NDUFS4: variants seen among roughly 807,000 people sequenced by gnomAD.
NDUFS4 encodes NADH:ubiquinone oxidoreductase subunit S4.
Under a neutral mutation model 24.3 loss-of-function variants are expected in NDUFS4, and 28 were observed. The observed-to-expected ratio is 1.15, with a 90% CI of 0.85 to 1.58. NDUFS4 has a LOEUF of 1.58. Ranked by LOEUF, NDUFS4 falls within the 40% of genes most tolerant of loss-of-function variation. The probability of loss-of-function intolerance (pLI) is 0.00; values close to 1 mark genes in which losing one functional copy is unlikely to be tolerated. For synonymous variants in NDUFS4, 93 were observed against 69.7 expected, an observed-to-expected ratio of 1.34 and a Z score of -1.67; for missense variants, 223 against 207.9, an observed-to-expected ratio of 1.07 and a Z score of -0.45.
At chr5:53,657,781 C>T (rs941506598) in intron 3 of NDUFS4, among the ~76,000 whole-genome samples, 2 of 151,840 alleles carry the variant, frequency 1.3e-5, no homozygotes, top group Non-Finnish European at 2.9e-5. Context: ...ACAAATTAGC[C>T]AGGTATGGTG....
intron 1 of NDUFS4, among the ~76,000 whole-genome samples, chr5:53,594,872 T>TTGTGTGTG (rs60887057): frequency 0.034 from 5,011 of 148,480 alleles, 296 homozygotes; most frequent in African/African-American, 0.12. Flanking sequence ...ATGTCTGTGT[T>TTGTGTGTG]TGTGTGTGTG....
intron 1 of NDUFS4, among the ~76,000 whole-genome samples, chr5:53,590,621 C>T (rs909213584): frequency 1.3e-5 from 2 of 152,120 alleles, no homozygotes; most frequent in African/African-American, 4.8e-5. Context: ...TACAAACATA[C>T]TATTTTTATG....
intron 2 of NDUFS4, 55 bp downstream of exon 2, chr5:53,603,585 A>T (rs1329019228): frequency 2.9e-6 from 4 of 1,370,216 alleles, no homozygotes. Flanking sequence ...TTATTTTTGT[A>T]CTATAGATAT....
At chr5:53,677,640 G>A (rs1391061304) in intron 4 of NDUFS4, among the ~76,000 whole-genome samples, 1 of 151,982 alleles carries the variant, frequency 6.6e-6, no homozygotes, top group African/African-American at 2.4e-5. Flanking sequence ...GTTATGCTCC[G>A]CTTTCAGCCA....
At chr5:53,600,008 T>C (rs979829182) in intron 1 of NDUFS4, among the ~76,000 whole-genome samples, 2 of 152,106 alleles carry the variant, frequency 1.3e-5, no homozygotes, top group Non-Finnish European at 2.9e-5. Context: ...ATTTTATTAT[T>C]ATTTTTTGAG....
At chr5:53,640,163 C>A (rs1751670744) in intron 2 of NDUFS4, among the ~76,000 whole-genome samples, 2 of 151,622 alleles carry the variant, frequency 1.3e-5, no homozygotes, top group South Asian at 4.2e-4. Flanking sequence ...ACTTAAAGTT[C>A]AAATTACTGA....
intron 1 of NDUFS4, among the ~76,000 whole-genome samples, chr5:53,600,101 G>C (rs954705561): frequency 2.6e-5 from 4 of 151,208 alleles, no homozygotes; most frequent in African/African-American, 9.7e-5. Context: ...CCGGGTTCAA[G>C]TGATTCTCCT....
rs533101476 is a variant in NDUFS4 at position 53,574,993 on chromosome 5, C to T, written c.98+14233C>T. ...GCTCCAGCGGACTTAGAAGAAGAAC[C>T]CTCCTTCAGATTTTTGGCTCCCGCA... On this transcript the variant is annotated intron_variant, in intron 1 of 4. Coordinates refer to ENST00000296684, the MANE Select transcript of NDUFS4 (RefSeq NM_002495.4). Among the ~76,000 whole-genome samples, 134 of 152,250 alleles carry T rather than the reference C, an allele frequency of 8.8e-4. 1 individual carries two copies. Among genetic ancestry groups the T allele is most frequent in the Non-Finnish European group, 1.7e-3 (114 of 68,020 alleles).
At chr5:53,566,582 A>G (rs1240061511) in intron 1 of NDUFS4, among the ~76,000 whole-genome samples, 5 of 152,132 alleles carry the variant, frequency 3.3e-5, no homozygotes, top group Non-Finnish European at 7.4e-5. Context: ...GTCTCTTGGT[A>G]TCCATGAAAG....
intron 1 of NDUFS4, among the ~76,000 whole-genome samples, chr5:53,574,799 G>A (rs1250395961): frequency 6.6e-6 from 1 of 151,332 alleles, no homozygotes; most frequent in East Asian, 1.9e-4. Context: ...TATTATATTC[G>A]GAGAACCCAA....
intron 2 of NDUFS4, among the ~76,000 whole-genome samples, chr5:53,639,749 A>G (rs1006824484): frequency 3.3e-5 from 5 of 152,182 alleles, no homozygotes; most frequent in African/African-American, 1.2e-4. Context: ...GAAGCAAAGA[A>G]ACTAAAAAGT....
intron 2 of NDUFS4, among the ~76,000 whole-genome samples, chr5:53,615,522 G>A (rs1750814936): frequency 6.6e-6 from 1 of 151,970 alleles, no homozygotes; most frequent in Admixed American, 6.6e-5. Context: ...CCACCTGCAA[G>A]CATGTGAGAT....
chr5:53,654,750 G>T (rs1161815505), intron 3 of NDUFS4, among the ~76,000 whole-genome samples: 6 of 152,132 alleles, frequency 3.9e-5, no homozygotes, highest in Non-Finnish European at 7.4e-5. Flanking sequence ...AAAATTCTCA[G>T]TGCCAAAATG....
intron 2 of NDUFS4, among the ~76,000 whole-genome samples, chr5:53,626,609 A>T (rs1751233874): frequency 6.6e-6 from 1 of 152,108 alleles, no homozygotes; most frequent in Non-Finnish European, 1.5e-5. Context: ...TGTGGTTTTG[A>T]TTTGCATTTC....
At chr5:53,573,062 C>T (rs560749025) in intron 1 of NDUFS4, among the ~76,000 whole-genome samples, 6 of 150,612 alleles carry the variant, frequency 4.0e-5, no homozygotes, top group South Asian at 2.1e-4. Flanking sequence ...CTTGACTTCC[C>T]GGACTCTAGC....
chr5:53,622,919 TA>T (rs1431093388), intron 2 of NDUFS4, among the ~76,000 whole-genome samples: 2 of 152,182 alleles, frequency 1.3e-5, no homozygotes, highest in Non-Finnish European at 2.9e-5. Context: ...TAACCTCTAT[TA>T]TACTTTCTGT....
At chr5:53,631,094 T>C (rs1219688180) in intron 2 of NDUFS4, among the ~76,000 whole-genome samples, 1 of 152,332 alleles carries the variant, frequency 6.6e-6, no homozygotes, top group East Asian at 1.9e-4. Flanking sequence ...TTGATGTTGA[T>C]GGTATTCCTT....
intron 1 of NDUFS4, among the ~76,000 whole-genome samples, chr5:53,585,939 T>A (rs1441361556): frequency 1.3e-5 from 2 of 152,208 alleles, no homozygotes; most frequent in Admixed American, 1.3e-4. Flanking sequence ...AATTGCCAAG[T>A]ACATTAAATT....
chr5:53,662,638 G>A (rs1169563244), intron 4 of NDUFS4, among the ~76,000 whole-genome samples: 1 of 151,440 alleles, frequency 6.6e-6, no homozygotes, highest in Non-Finnish European at 1.5e-5. Context: ...ACTTTTTTTG[G>A]TTGGTAATCT....
Sources: gnomAD v4.1 joint callset for allele counts (sites outside exome capture counted in the v4.1 genomes callset) on GRCh38, gnomAD v4.1.1 for gene constraint, MANE v1.5 for transcripts, NCBI Gene and HGNC (gene_info 2026-07-23, HGNC 2026-07-21) for gene names.